RBFOX1: variants seen among roughly 807,000 people sequenced by gnomAD.
RBFOX1 encodes the protein RNA binding protein fox-1 homolog 1.
A neutral mutation model predicts 57.7 loss-of-function variants in RBFOX1; 8 were observed. The observed-to-expected ratio is 0.14, with a 90% confidence interval of 0.08 to 0.25. RBFOX1 has a LOEUF of 0.25. Ranked by LOEUF, RBFOX1 falls within the 10% of genes least tolerant of loss-of-function variation. RBFOX1 has a pLI of 1.00. For synonymous variants in RBFOX1, 326 were observed against 222.4 expected, an observed-to-expected ratio of 1.47 and a Z score of -4.15; for missense variants, 611 against 548.5, an observed-to-expected ratio of 1.11 and a Z score of -1.14.
chr16:7,472,558 A>G (rs1051830920), intron 4 of RBFOX1, among the ~76,000 whole-genome samples: 2 of 152,248 alleles, frequency 1.3e-5, no homozygotes, highest in African/African-American at 2.4e-5. Context: ...CAGTGCAAAT[A>G]TACAACATAG....
intron 4 of RBFOX1, among the ~76,000 whole-genome samples, chr16:7,395,191 C>G (rs2098120984): frequency 6.6e-6 from 1 of 150,422 alleles, no homozygotes; most frequent in African/African-American, 2.5e-5. Flanking sequence ...ACAGCCAAGA[C>G]CTAACTCTTG....
intron 4 of RBFOX1, among the ~76,000 whole-genome samples, chr16:7,475,024 C>T (rs929682444): frequency 2.0e-5 from 3 of 152,174 alleles, no homozygotes; most frequent in Non-Finnish European, 4.4e-5. Context: ...CACAATCCAG[C>T]TGTTGATAAC....
intron 1 of RBFOX1, among the ~76,000 whole-genome samples, chr16:6,253,048 T>A (rs2097632844): frequency 6.6e-6 from 1 of 152,166 alleles, no homozygotes; most frequent in Admixed American, 6.6e-5. Context: ...AATCTCTGAT[T>A]GTTGAAGGGA....
intron 1 of RBFOX1, among the ~76,000 whole-genome samples, chr16:5,245,667 A>T (rs1170381111): frequency 6.6e-6 from 1 of 152,168 alleles, no homozygotes; most frequent in African/African-American, 2.4e-5. Flanking sequence ...CCTGACCTCA[A>T]GTGATCGGCC....
intron 1 of RBFOX1, among the ~76,000 whole-genome samples, chr16:6,315,326 A>G (rs2080936180): frequency 6.6e-6 from 1 of 150,982 alleles, no homozygotes; most frequent in Non-Finnish European, 1.5e-5. Flanking sequence ...GGATAGATAG[A>G]TGGGTGGATG....
At chr16:6,077,868 A>G (rs112753353) in intron 1 of RBFOX1, among the ~76,000 whole-genome samples, 4,768 of 152,010 alleles carry the variant, frequency 0.031, 135 homozygotes, top group African/African-American at 0.076. Context: ...GCATGATATG[A>G]CGGTTGTGAC....
chr16:5,517,036 T>G (rs1009954588), intron 2 of RBFOX1, among the ~76,000 whole-genome samples: 2 of 151,938 alleles, frequency 1.3e-5, no homozygotes, highest in South Asian at 4.2e-4. Flanking sequence ...CTGGGCAAGT[T>G]GGTGCATACA....
intron 3 of RBFOX1, among the ~76,000 whole-genome samples, chr16:6,717,075 C>G (rs983332410): frequency 6.6e-6 from 1 of 152,168 alleles, no homozygotes; most frequent in Admixed American, 6.5e-5. Context: ...ACCAAGAGTT[C>G]CCTTCCCACA....
At chr16:7,123,472 C>T (rs945355981) in intron 4 of RBFOX1, among the ~76,000 whole-genome samples, 4 of 152,122 alleles carry the variant, frequency 2.6e-5, no homozygotes, top group African/African-American at 9.7e-5. Flanking sequence ...TCAGGTGATC[C>T]TCCTGCCTTA....
chr16:7,303,276 G>T (rs1348766475), intron 4 of RBFOX1, among the ~76,000 whole-genome samples: 1 of 152,200 alleles, frequency 6.6e-6, no homozygotes, highest in African/African-American at 2.4e-5. Flanking sequence ...TGCTCTGCTG[G>T]GGGGCGCAGA....
At chr16:5,621,240 G>C (rs1416132809) in intron 3 of RBFOX1, among the ~76,000 whole-genome samples, 1 of 152,148 alleles carries the variant, frequency 6.6e-6, no homozygotes, top group Non-Finnish European at 1.5e-5. Flanking sequence ...ACCTCCCAAA[G>C]TACTGGGATA....
At position 5,699,160 on chromosome 16, in the gene RBFOX1, G is replaced by A. The variant is rs757851111; in HGVS notation, c.318+100199G>A. ...ATGCCACCACACCCAGCTAATTTTT[G>A]TATTTTTAGTAGAGATGAGGTTTCA... On this transcript the variant is annotated intron_variant, in intron 3 of 19. Transcript: ENST00000641259. 1.4e-4 allele frequency among the ~76,000 whole-genome samples: 22 copies of A among 151,812 alleles called. 1 individual carries two copies. In the Middle Eastern group the frequency reaches 0.017, roughly 117 times the overall value.
chr16:6,505,695 A>G (rs1454639856), intron 2 of RBFOX1, among the ~76,000 whole-genome samples: 2 of 152,220 alleles, frequency 1.3e-5, no homozygotes, highest in Admixed American at 6.5e-5. Flanking sequence ...ATTCAAAGGA[A>G]AAAGTGTAGT....
intron 1 of RBFOX1, among the ~76,000 whole-genome samples, chr16:6,089,007 A>G (rs7199921): frequency 2.0e-5 from 3 of 151,770 alleles, no homozygotes; most frequent in African/African-American, 7.3e-5. Flanking sequence ...GAGGCAGGAC[A>G]ACAGCTTGAA....
chr16:7,626,862 T>C (rs1207752781), intron 10 of RBFOX1, among the ~76,000 whole-genome samples: 2 of 152,190 alleles, frequency 1.3e-5, no homozygotes, highest in African/African-American at 4.8e-5. Context: ...TTAATCCTTC[T>C]GAGGATCAGG....
At chr16:6,126,585 A>G (rs2096591336) in intron 1 of RBFOX1, among the ~76,000 whole-genome samples, 2 of 152,180 alleles carry the variant, frequency 1.3e-5, no homozygotes, top group Non-Finnish European at 2.9e-5. Context: ...CTGTAATCCA[A>G]GTCAGCATTT....
intron 1 of RBFOX1, among the ~76,000 whole-genome samples, chr16:6,130,249 G>A (rs2096620333): frequency 6.6e-6 from 1 of 152,058 alleles, no homozygotes; most frequent in Admixed American, 6.5e-5. Flanking sequence ...TATGACTACT[G>A]TGCAAATGTA....
At chr16:7,408,036 A>G (rs556942715) in intron 4 of RBFOX1, among the ~76,000 whole-genome samples, 1 of 152,338 alleles carries the variant, frequency 6.6e-6, no homozygotes, top group South Asian at 2.1e-4. Flanking sequence ...AAAGAAACTG[A>G]TAACCCTTGC....
At chr16:5,883,436 T>TA (rs2057815444) in intron 4 of RBFOX1, among the ~76,000 whole-genome samples, 1 of 152,136 alleles carries the variant, frequency 6.6e-6, no homozygotes, top group Admixed American at 6.6e-5. Context: ...AACTGCCTCA[T>TA]AACTATTCAT....
Sources: allele counts gnomAD v4.1 joint callset (sites outside exome capture counted in the v4.1 genomes callset), GRCh38; gene constraint gnomAD v4.1.1; transcripts MANE v1.5; gene names NCBI Gene and HGNC (gene_info 2026-07-23, HGNC 2026-07-21).